FAT3: variants seen among roughly 807,000 people sequenced by gnomAD.
FAT3 encodes the protein protocadherin Fat 3.
In FAT3, 95 loss-of-function variants were observed where a neutral mutation model predicts 310.2. The ratio of observed to expected loss-of-function variants is 0.31; its 90% CI spans 0.26 to 0.36. FAT3 has a LOEUF of 0.36. Ranked by LOEUF, FAT3 falls within the 10% of genes least tolerant of loss-of-function variation. The pLI is 1.00. For missense variants in FAT3, 5,408 were observed against 5,715.6 expected, an observed-to-expected ratio of 0.95 and a Z score of 1.74; for synonymous variants, 2,314 against 2,192.9, an observed-to-expected ratio of 1.06 and a Z score of -1.54.
intron 1 of FAT3, among the ~76,000 whole-genome samples, chr11:92,333,652 AG>A (rs1178315889): frequency 2.6e-5 from 4 of 152,322 alleles, no homozygotes; most frequent in African/African-American, 9.6e-5. Context: ...AAACCATGGA[AG>A]TTTTTTTATA....
rs1301742315 is a variant in FAT3 at position 92,894,305 on chromosome 11, A to G, written c.*3192A>G. 6.6e-6 allele frequency: 1 copy of G among 152,216 alleles called. No individual in the cohort carries two copies. Among genetic ancestry groups the G allele is most frequent in the Non-Finnish European group, 1.5e-5 (1 of 68,048 alleles). The allele number at this position is 152,216 out of a possible 1,614,324, so 9.4% of individuals were successfully genotyped here. A position where few individuals can be genotyped will look rare whatever the true frequency, so the allele number is the denominator to read the frequency against. ...ATAATTACAGAGTTCAGCTCAGACC[A>G]GTCATCAGTTGTAGTGAAACTTTGA... On this transcript the variant is annotated 3_prime_UTR_variant, in exon 28 of 28. Coordinates refer to ENST00000525166, the MANE Select transcript of FAT3 (RefSeq NM_001367949.2).
intron 3 of FAT3, among the ~76,000 whole-genome samples, chr11:92,586,846 C>T (rs1939182802): frequency 1.3e-5 from 2 of 151,900 alleles, no homozygotes; most frequent in South Asian, 2.1e-4. Context: ...CAACCTGTTT[C>T]TCTGAACTGC....
intron 3 of FAT3, among the ~76,000 whole-genome samples, chr11:92,594,947 C>G (rs1056905729): frequency 5.9e-5 from 9 of 151,616 alleles, no homozygotes. Context: ...AAAATTGTAC[C>G]TATTAAGGTG....
chr11:92,360,673 C>T (rs899671099), intron 2 of FAT3, among the ~76,000 whole-genome samples: 1 of 152,132 alleles, frequency 6.6e-6, no homozygotes, highest in African/African-American at 2.4e-5. Flanking sequence ...GAAAAATTTC[C>T]AATTGGCACT....
At chr11:92,565,354 G>T (rs1402309762) in intron 3 of FAT3, among the ~76,000 whole-genome samples, 8 of 133,736 alleles carry the variant, frequency 6.0e-5, no homozygotes, top group African/African-American at 2.1e-4. Flanking sequence ...TTGCATCTCT[G>T]AATAGACCAA....
Position 92,799,889 on chromosome 11 carries a change from C to A in FAT3, c.6876C>A (p.Tyr2292Ter), listed in dbSNP as rs1344938791. ...CCCCTATTTTCGATCAGCCTACATA[C>A]AATACAACACTATCAGAAGCATCTC... Reference protein sequence around the residue: ...DNPPIFDQPTYNTTLSEASLI... With the variant: ...DNPPIFDQPT The change falls in exon 10 of 28, where the codon TAC becomes TAA. Residue 2292 changes from tyrosine (Y) to a stop codon, truncating the protein, a stop_gained. Coordinates refer to ENST00000525166, the MANE Select transcript of FAT3 (RefSeq NM_001367949.2). LOFTEE classifies it high-confidence loss of function. 6.2e-7 allele frequency: 1 copy of A among 1,612,840 alleles called. No individual in the cohort carries two copies. Among genetic ancestry groups the A allele is most frequent in the Non-Finnish European group, 8.5e-7 (1 of 1,179,474 alleles).
At chr11:92,521,307 C>T (rs146761398) in intron 2 of FAT3, among the ~76,000 whole-genome samples, 3 of 152,068 alleles carry the variant, frequency 2.0e-5, no homozygotes, top group Admixed American at 2.0e-4. Context: ...AGGCCAGATA[C>T]TTTCACACAC....
chr11:92,819,446 G>C (rs142609073), intron 13 of FAT3, among the ~76,000 whole-genome samples: 1 of 152,130 alleles, frequency 6.6e-6, no homozygotes, highest in Non-Finnish European at 1.5e-5. Context: ...GATAATTTGC[G>C]TTTCAGACTA....
intron 3 of FAT3, among the ~76,000 whole-genome samples, chr11:92,596,659 C>T (rs1046151019): frequency 7.2e-5 from 11 of 151,952 alleles, no homozygotes; most frequent in South Asian, 4.1e-4. Context: ...AACAACAAAC[C>T]TCCTTCATAC....
chr11:92,775,036 G>A (rs1345714943), intron 7 of FAT3, among the ~76,000 whole-genome samples: 3 of 152,176 alleles, frequency 2.0e-5, no homozygotes, highest in Non-Finnish European at 4.4e-5. Context: ...GCAGAGAGCT[G>A]GCACACATGC....
intron 1 of FAT3, among the ~76,000 whole-genome samples, chr11:92,273,185 C>A (rs970249667): frequency 4.6e-5 from 7 of 152,084 alleles, no homozygotes; most frequent in Non-Finnish European, 7.4e-5. Context: ...AAATTTTACA[C>A]CCCCTGCCAT....
intron 1 of FAT3, among the ~76,000 whole-genome samples, chr11:92,338,338 T>C (rs1948146651): frequency 6.6e-6 from 1 of 152,190 alleles, no homozygotes; most frequent in South Asian, 2.1e-4. Context: ...ATGAGGCTTC[T>C]TAGTTTAAGG....
intron 3 of FAT3, among the ~76,000 whole-genome samples, chr11:92,650,534 C>T (rs1266904084): frequency 6.6e-6 from 1 of 152,152 alleles, no homozygotes; most frequent in African/African-American, 2.4e-5. Context: ...AGGCAGTGGA[C>T]ATGCTGATAA....
intron 2 of FAT3, among the ~76,000 whole-genome samples, chr11:92,392,232 CCTCT>C (rs1372855812): frequency 1.3e-5 from 2 of 152,116 alleles, no homozygotes; most frequent in Non-Finnish European, 2.9e-5. Flanking sequence ...CATTTTCCTA[CCTCT>C]AAGTATCTGC....
chr11:92,279,569 A>G (rs934623472), intron 1 of FAT3, among the ~76,000 whole-genome samples: 20 of 152,198 alleles, frequency 1.3e-4, no homozygotes, highest in Non-Finnish European at 2.6e-4. Flanking sequence ...TCATCGATAC[A>G]TAATATTTTA....
At chr11:92,526,729 G>GC (rs1953879930) in intron 3 of FAT3, among the ~76,000 whole-genome samples, 1 of 151,986 alleles carries the variant, frequency 6.6e-6, no homozygotes, top group Non-Finnish European at 1.5e-5. Context: ...TCACTATTTG[G>GC]CCTACGTTGC....
At chr11:92,233,325 C>T (rs919168955) in intron 1 of FAT3, among the ~76,000 whole-genome samples, 1 of 152,190 alleles carries the variant, frequency 6.6e-6, no homozygotes, top group Non-Finnish European at 1.5e-5. Context: ...AGTAATCTAG[C>T]GTTCCATCTT....
chr11:92,421,687 C>G (rs1467948824), intron 2 of FAT3, among the ~76,000 whole-genome samples: 1 of 152,198 alleles, frequency 6.6e-6, no homozygotes, highest in Non-Finnish European at 1.5e-5. Flanking sequence ...CAATCGACCT[C>G]AAAACATTGA....
At chr11:92,542,158 CCT>C (rs1591426121) in intron 3 of FAT3, among the ~76,000 whole-genome samples, 2 of 152,140 alleles carry the variant, frequency 1.3e-5, no homozygotes, top group East Asian at 3.9e-4. Flanking sequence ...AAGCTAGACC[CCT>C]GTCTCTCACC....
Sources: gnomAD v4.1 joint callset for allele counts (sites outside exome capture counted in the v4.1 genomes callset) on GRCh38, gnomAD v4.1.1 for gene constraint, MANE v1.5 for transcripts, NCBI Gene and HGNC (gene_info 2026-07-23, HGNC 2026-07-21) for gene names.